The following ISM1 variants were observed in gnomAD, a reference collection of about 807,000 sequenced individuals.
The protein encoded by ISM1 is isthmin 1.
Under a neutral mutation model 46.3 loss-of-function variants are expected in ISM1, and 25 were observed. The observed-to-expected ratio is 0.54, with a 90% CI of 0.39 to 0.75. The LOEUF is 0.75. Ranked by LOEUF, ISM1 falls within the 30% of genes least tolerant of loss-of-function variation. The pLI, the probability that ISM1 is intolerant of heterozygous loss-of-function variation, is 0.00. For synonymous variants in ISM1, 255 were observed against 256.7 expected, an observed-to-expected ratio of 0.99 and a Z score of 0.06; for missense variants, 536 against 625.4, an observed-to-expected ratio of 0.86 and a Z score of 1.52.
the ISM1 span, among the ~76,000 whole-genome samples, chr20:13,310,037 T>C: frequency 1.3e-5 from 2 of 152,182 alleles, no homozygotes; most frequent in African/African-American, 4.8e-5. Context: ...ACAAATTCGA[T>C]GCAATCCCTA....
chr20:13,253,351 A>G (rs56125116), intron 1 of ISM1, among the ~76,000 whole-genome samples: 3,014 of 152,102 alleles, frequency 0.02, 42 homozygotes, highest in Non-Finnish European at 0.022. Flanking sequence ...GTGGGTGACC[A>G]CTCAGAGGGT....
intron 2 of ISM1, 94 bp downstream of exon 2, chr20:13,270,837 T>G: frequency 8.1e-7 from 1 of 1,231,054 alleles, no homozygotes; most frequent in Non-Finnish European, 1.1e-6. Context: ...TACCTCACTT[T>G]TCTTCTTAAC....
At chr20:13,306,476 T>G in the ISM1 span, among the ~76,000 whole-genome samples, 1 of 147,060 alleles carries the variant, frequency 6.8e-6, no homozygotes, top group East Asian at 2.1e-4. Flanking sequence ...TTTATTTCCC[T>G]CTCTACCAGA....
chr20:13,242,617 C>A (rs550622911), intron 1 of ISM1, among the ~76,000 whole-genome samples: 1 of 152,198 alleles, frequency 6.6e-6, no homozygotes, highest in Admixed American at 6.5e-5. Flanking sequence ...GCTGGGGGAG[C>A]CATGATGGGA....
At chr20:13,239,593 C>T (rs2039693586) in intron 1 of ISM1, 1 of 152,214 alleles carries the variant, frequency 6.6e-6, no homozygotes, top group African/African-American at 2.4e-5. Context: ...TACTCACATA[C>T]ACAAGGGTCA....
intron 1 of ISM1, among the ~76,000 whole-genome samples, chr20:13,233,917 A>G (rs1233710985): frequency 4.6e-5 from 7 of 152,224 alleles, no homozygotes; most frequent in Non-Finnish European, 1.0e-4. Context: ...TTGTTATAAA[A>G]TAAGAGTTTT....
chr20:13,308,191 G>T, the ISM1 span, among the ~76,000 whole-genome samples: 1 of 152,164 alleles, frequency 6.6e-6, no homozygotes, highest in African/African-American at 2.4e-5. Flanking sequence ...GACACAAAAA[G>T]GAATAGACAG....
At chr20:13,231,509 G>C (rs566924867) in intron 1 of ISM1, among the ~76,000 whole-genome samples, 1 of 152,316 alleles carries the variant, frequency 6.6e-6, no homozygotes, top group South Asian at 2.1e-4. Context: ...AGGCCTCAGA[G>C]GCGTGTGGGA....
the ISM1 span, among the ~76,000 whole-genome samples, chr20:13,314,321 T>G: frequency 6.6e-6 from 1 of 152,024 alleles, no homozygotes; most frequent in African/African-American, 2.4e-5. Flanking sequence ...CCCCTACACC[T>G]AGGCATATGA....
chr20:13,318,089 A>C, the ISM1 span, among the ~76,000 whole-genome samples: 1 of 151,788 alleles, frequency 6.6e-6, no homozygotes, highest in Admixed American at 6.6e-5. Context: ...CTCAACAATA[A>C]GAACACAAAC....
At chr20:13,272,325 A>G (rs1408144100) in intron 2 of ISM1, among the ~76,000 whole-genome samples, 5 of 152,186 alleles carry the variant, frequency 3.3e-5, no homozygotes, top group Non-Finnish European at 7.3e-5. Context: ...TCATGGGAGC[A>G]CGCAAATCTC....
intron 3 of ISM1, among the ~76,000 whole-genome samples, chr20:13,284,502 T>C (rs1229872804): frequency 6.6e-6 from 1 of 152,252 alleles, no homozygotes; most frequent in Non-Finnish European, 1.5e-5. Context: ...CATTTTCTGC[T>C]CTGGGCAGTG....
chr20:13,257,378 G>A (rs1007274946), intron 1 of ISM1, among the ~76,000 whole-genome samples: 6 of 152,238 alleles, frequency 3.9e-5, no homozygotes, highest in East Asian at 3.9e-4. Flanking sequence ...TTAGCCAAGC[G>A]TGGTGGTGGA....
intron 1 of ISM1, chr20:13,237,727 G>T (rs2039668529): frequency 6.6e-6 from 1 of 152,192 alleles, no homozygotes; most frequent in Non-Finnish European, 1.5e-5. Flanking sequence ...TAATAAAAGA[G>T]TAAAGAATGC....
intron 2 of ISM1, among the ~76,000 whole-genome samples, chr20:13,273,375 C>G (rs2040138511): frequency 6.6e-6 from 1 of 152,010 alleles, no homozygotes; most frequent in Non-Finnish European, 1.5e-5. Flanking sequence ...GCTGGGACTA[C>G]AGGTGTGAGC....
chr20:13,269,861 C>T (rs2040090474), intron 1 of ISM1, among the ~76,000 whole-genome samples: 1 of 151,988 alleles, frequency 6.6e-6, no homozygotes, highest in Non-Finnish European at 1.5e-5. Flanking sequence ...CATGTCTATC[C>T]TGTTTATTGC....
intron 1 of ISM1, among the ~76,000 whole-genome samples, chr20:13,233,334 G>A (rs1362633138): frequency 6.6e-6 from 1 of 151,968 alleles, no homozygotes; most frequent in Non-Finnish European, 1.5e-5. Flanking sequence ...GGTGGCTCAT[G>A]CCTGTAATCC....
intron 2 of ISM1, among the ~76,000 whole-genome samples, chr20:13,272,214 C>T (rs1307517725): frequency 6.6e-6 from 1 of 152,118 alleles, no homozygotes; most frequent in African/African-American, 2.4e-5. Flanking sequence ...CCAATTGATC[C>T]TTCATTAACT....
the ISM1 span, among the ~76,000 whole-genome samples, chr20:13,310,340 A>G: frequency 6.6e-6 from 1 of 152,232 alleles, no homozygotes; most frequent in Non-Finnish European, 1.5e-5. Context: ...TGGTCTCTTC[A>G]ATAAATGGTG....
Sources: gnomAD v4.1 joint callset for allele counts (sites outside exome capture counted in the v4.1 genomes callset) on GRCh38, gnomAD v4.1.1 for gene constraint, MANE v1.5 for transcripts, NCBI Gene and HGNC (gene_info 2026-07-23, HGNC 2026-07-21) for gene names.